The following INSC variants were observed in gnomAD, a reference collection of about 807,000 sequenced individuals.
INSC encodes the protein protein inscuteable homolog.
INSC carries 67 observed loss-of-function variants against 58.6 expected under a neutral mutation model. The observed-to-expected ratio is 1.14, with a 90% confidence interval of 0.94 to 1.40. INSC has a LOEUF of 1.40. Among genes scored for constraint, INSC ranks in the 40% most tolerant of loss-of-function variants. The probability of loss-of-function intolerance (pLI) is 0.00; values close to 1 mark genes in which losing one functional copy is unlikely to be tolerated. For synonymous variants in INSC, 262 were observed against 276.1 expected (o/e 0.95, Z 0.51); for missense variants, 714 against 692.0 (o/e 1.03, Z -0.36).
chr11:15,164,548 A>T (rs183039655), intron 2 of INSC, among the ~76,000 whole-genome samples: 53 of 152,198 alleles, frequency 3.5e-4, no homozygotes, highest in Non-Finnish European at 5.9e-5. Flanking sequence ...TTCATAAAAC[A>T]CCCTATACTC....
At chr11:15,174,537 T>G (rs960648878) in intron 2 of INSC, among the ~76,000 whole-genome samples, 4 of 152,242 alleles carry the variant, frequency 2.6e-5, no homozygotes, top group African/African-American at 9.6e-5. Context: ...TAGGTACTGA[T>G]ATTTGTAGAT....
chr11:15,230,049 G>A (rs1254222219), intron 9 of INSC, among the ~76,000 whole-genome samples: 16 of 99,328 alleles, frequency 1.6e-4, no homozygotes, highest in Non-Finnish European at 2.4e-4. Flanking sequence ...TAAAAGCCAG[G>A]CATGGTGGTA....
intron 2 of INSC, 80 bp downstream of exon 2, chr11:15,149,310 CT>C (rs1848577351): frequency 1.5e-6 from 2 of 1,326,718 alleles, no homozygotes; most frequent in Non-Finnish European, 2.0e-6. Context: ...CATCCTGAGG[CT>C]GCAGGTGACC....
At chr11:15,178,056 A>G (rs1476724361) in intron 4 of INSC, among the ~76,000 whole-genome samples, 1 of 152,198 alleles carries the variant, frequency 6.6e-6, no homozygotes, top group African/African-American at 2.4e-5. Context: ...TTCTGCAGGG[A>G]GAAGCCCAGA....
At chr11:15,177,801 G>C (rs935648868) in intron 4 of INSC, among the ~76,000 whole-genome samples, 1 of 152,150 alleles carries the variant, frequency 6.6e-6, no homozygotes, top group Admixed American at 6.5e-5. Context: ...GTAGAACACT[G>C]TCAGGCCACA....
At chr11:15,122,326 G>A (rs73414666) in intron 1 of INSC, among the ~76,000 whole-genome samples, 2,997 of 152,248 alleles carry the variant, frequency 0.02, 76 homozygotes, top group African/African-American at 0.062. Flanking sequence ...GAAAGAGCCT[G>A]GAGATTGTTT....
At position 15,225,810 on chromosome 11, in the gene INSC, G is replaced by T; in HGVS notation, c.1152G>T (p.Thr384=). The T allele has an allele frequency of 6.2e-7, 1 of 1,613,140 alleles. No individual in the cohort carries two copies. Among genetic ancestry groups the T allele is most frequent in the Non-Finnish European group, 8.5e-7 (1 of 1,179,588 alleles). The change falls in exon 9 of 13, where the codon ACG becomes ACT. Residue 384 remains threonine (T), a synonymous_variant. Coordinates refer to ENST00000379556, the MANE Select transcript of INSC (RefSeq NM_001042536.3). The stretch of plus-strand genomic sequence containing the variant: ...GCAGTGACAAGCAGAGAGTGGACAC[G>T]CCTTACACTCGGGACCAGGTAAGAC... The part of the protein sequence containing the change: ...EACSDKQRVD[T]PYTRDQIVTI...
chr11:15,181,213 A>G lies in INSC; in HGVS notation c.579+2766A>G, dbSNP rs990552631. Among the ~76,000 whole-genome samples, 4 of 152,206 alleles carry G rather than the reference A, an allele frequency of 2.6e-5. No homozygotes were observed. The South Asian group carries it at 6.2e-4, about 24-fold the overall frequency. On this transcript the variant is annotated intron_variant, in intron 5 of 12. Coordinates refer to ENST00000379556, the MANE Select transcript of INSC (RefSeq NM_001042536.3). The stretch of plus-strand genomic sequence containing the variant: ...GTTTTGGTTTGTTTTGCTCGTGCAT[A>G]TATCTCTAGTGACTAGAACAGTATC...
chr11:15,182,442 A>G (rs1036638881), intron 5 of INSC, among the ~76,000 whole-genome samples: 1 of 152,218 alleles, frequency 6.6e-6, no homozygotes, highest in Non-Finnish European at 1.5e-5. Context: ...CCACAGGTTA[A>G]TTGTGGTACT....
downstream of INSC, among the ~76,000 whole-genome samples, chr11:15,247,622 CTCATTTTACAG>C (rs1193777214): frequency 6.6e-6 from 1 of 151,618 alleles, no homozygotes; most frequent in Non-Finnish European, 1.5e-5. Context: ...ACAGAGGAAA[CTCATTTTACAG>C]ATACAACAAT....
intron 12 of INSC, among the ~76,000 whole-genome samples, chr11:15,242,923 G>T (rs1227881484): frequency 6.6e-6 from 1 of 152,148 alleles, no homozygotes; most frequent in East Asian, 1.9e-4. Flanking sequence ...TTTTCAACCA[G>T]ACCATCTTGT....
chr11:15,180,738 C>T (rs1849750459), intron 5 of INSC, among the ~76,000 whole-genome samples: 1 of 149,650 alleles, frequency 6.7e-6, no homozygotes, highest in South Asian at 2.1e-4. Flanking sequence ...CATTCATCTG[C>T]ATATTAGTTT....
chr11:15,198,203 T>G (rs1225171060), intron 6 of INSC, among the ~76,000 whole-genome samples: 1 of 152,142 alleles, frequency 6.6e-6, no homozygotes, highest in Non-Finnish European at 1.5e-5. Flanking sequence ...TACCAGGCCT[T>G]TCCACATGTA....
In INSC at chr11:15,229,704, T is replaced by C. The variant is rs73426584; in HGVS notation, c.1170+3876T>C. ...TGGGATGGGTCGGAGACAGGGAATG[T>C]AAGCTTTGGAACAGGAAGGTAGGGT... On this transcript the variant is annotated intron_variant, in intron 9 of 12. Transcript: ENST00000379556. Among the ~76,000 whole-genome samples the C allele has an allele frequency of 3.5e-3, 527 of 151,490 alleles. 1 individual carries two copies. The highest frequency in any genetic ancestry group is 0.012 in the African/African-American group (504 of 41,220).
rs566913520 is a variant in INSC at position 15,202,899 on chromosome 11, C to T, written c.819+1950C>T. The stretch of plus-strand genomic sequence containing the variant: ...TGCCAGAGTGCTTTAATGTGTCTTT[C>T]GCAGTATAGACGGCCCAGGCCCTAG... On this transcript the variant is annotated intron_variant, in intron 7 of 12. Transcript: ENST00000379556. Among the ~76,000 whole-genome samples the T allele has an allele frequency of 1.4e-4, 22 of 152,332 alleles. No homozygotes were observed. The South Asian group carries it at 3.9e-3, about 27-fold the overall frequency.
At chr11:15,225,966 T>C (rs1022331772) in intron 9 of INSC, 138 bp downstream of exon 9, 2 of 773,832 alleles carry the variant, frequency 2.6e-6, no homozygotes, top group Non-Finnish European at 4.0e-6. Flanking sequence ...GGGCAAATAT[T>C]CTCCACGTTT....
chr11:15,203,933 C>A (rs897565978), intron 7 of INSC, among the ~76,000 whole-genome samples: 5 of 151,974 alleles, frequency 3.3e-5, no homozygotes. Flanking sequence ...TTTATTAGAA[C>A]ACAGCTACAC....
chr11:15,126,495 G>T (rs1847998557), intron 1 of INSC, among the ~76,000 whole-genome samples: 2 of 152,138 alleles, frequency 1.3e-5, no homozygotes. Context: ...AGCTTCTGGG[G>T]TCACTGGATT....
chr11:15,178,884 T>C (rs1291138697), intron 5 of INSC, among the ~76,000 whole-genome samples: 1 of 152,232 alleles, frequency 6.6e-6, no homozygotes, highest in East Asian at 1.9e-4. Flanking sequence ...GATCCCCCTC[T>C]TCTCTGTTGA....
Sources: gnomAD v4.1 joint callset for allele counts (sites outside exome capture counted in the v4.1 genomes callset) on GRCh38, gnomAD v4.1.1 for gene constraint, MANE v1.5 for transcripts, NCBI Gene and HGNC (gene_info 2026-07-23, HGNC 2026-07-21) for gene names.